CASK: variants seen among roughly 807,000 people sequenced by gnomAD.
The protein encoded by CASK is peripheral plasma membrane protein CASK.
CASK carries 4 observed loss-of-function variants against 82.9 expected under a neutral mutation model. The ratio of observed to expected loss-of-function variants is 0.05; its 90% CI spans 0.02 to 0.11. The LOEUF is 0.11. CASK is among the 10% of genes least tolerant of loss of function. CASK has a pLI of 1.00. For synonymous variants in CASK, 259 were observed against 253.5 expected (o/e 1.02, Z -0.20); for missense variants, 358 against 720.9 (o/e 0.50, Z 5.76).
intron 2 of CASK, among the ~76,000 whole-genome samples, chrX:41,794,394 G>C (rs1246498117): frequency 8.9e-6 from 1 of 112,055 alleles, no homozygotes; most frequent in Non-Finnish European, 1.9e-5. Flanking sequence ...TAACAAATTT[G>C]TATATGACAA....
chrX:41,691,723 C>T (rs2067564963), intron 5 of CASK, among the ~76,000 whole-genome samples: 1 of 107,577 alleles, frequency 9.3e-6, no homozygotes, highest in Non-Finnish European at 1.9e-5. Context: ...TGGATGTGGT[C>T]CCAGCTACTT....
chrX:41,818,301 C>T (rs1449950606), intron 2 of CASK, among the ~76,000 whole-genome samples: 3 of 110,168 alleles, frequency 2.7e-5, no homozygotes, highest in Non-Finnish European at 5.7e-5. Flanking sequence ...CACCTGATTT[C>T]AAGACGTATA....
Position 41,684,744 on chromosome X carries a change from C to T in CASK, c.430-13214G>A, listed in dbSNP as rs771957383. Among the ~76,000 whole-genome samples, 272 of 111,609 alleles carry T rather than the reference C, an allele frequency of 2.4e-3. 1 individual carries two copies. The highest frequency in any genetic ancestry group is 8.8e-3 in the African/African-American group (270 of 30,690). ...AACTCCTGGCCTCAAGTGATCCGCC[C>T]GCCTCATCCTCCCAAAGTGCTGGGA... On this transcript the variant is annotated intron_variant, in intron 5 of 26. Transcript: ENST00000378163.
intron 3 of CASK, among the ~76,000 whole-genome samples, chrX:41,754,755 ACT>A (rs1251678504): frequency 1.8e-5 from 2 of 111,669 alleles, no homozygotes; most frequent in Non-Finnish European, 3.8e-5. Context: ...GAAAAATAAA[ACT>A]CACCAAAATT....
intron 2 of CASK, among the ~76,000 whole-genome samples, chrX:41,787,882 G>A (rs1403507392): frequency 1.8e-5 from 2 of 110,953 alleles, no homozygotes; most frequent in Non-Finnish European, 3.8e-5. Flanking sequence ...GGGGCCAGGC[G>A]TGGTGGCTCG....
intron 5 of CASK, among the ~76,000 whole-genome samples, chrX:41,736,825 T>C (rs1299019369): frequency 8.9e-6 from 1 of 111,820 alleles, no homozygotes; most frequent in Admixed American, 9.5e-5. Context: ...AACTACCCCA[T>C]GATTCAAGAA....
At chrX:41,701,727 T>G (rs1431389252) in intron 5 of CASK, among the ~76,000 whole-genome samples, 2 of 112,060 alleles carry the variant, frequency 1.8e-5, no homozygotes, top group Non-Finnish European at 3.8e-5. Context: ...TGTTCGAAAC[T>G]TCTATTTTTC....
At chrX:41,613,084 G>A (rs1263258808) in intron 11 of CASK, among the ~76,000 whole-genome samples, 1 of 110,951 alleles carries the variant, frequency 9.0e-6, no homozygotes, top group African/African-American at 3.3e-5. Context: ...GCCCCTACTG[G>A]GAAGTGAGGA....
chrX:41,778,967 C>A (rs1365286065), intron 3 of CASK, among the ~76,000 whole-genome samples: 2 of 110,870 alleles, frequency 1.8e-5, no homozygotes, highest in Non-Finnish European at 3.8e-5. Flanking sequence ...CTTTTAAAAC[C>A]CTTCTTCTAT....
chrX:41,632,709 A>T (rs1212162486), intron 9 of CASK, among the ~76,000 whole-genome samples: 1 of 112,120 alleles, frequency 8.9e-6, no homozygotes, highest in African/African-American at 3.2e-5. Context: ...GTTCAGGAAC[A>T]CAAGTGACCA....
chrX:41,625,763 T>C (rs1253448680), intron 10 of CASK, among the ~76,000 whole-genome samples: 4 of 110,388 alleles, frequency 3.6e-5, no homozygotes, highest in Non-Finnish European at 7.6e-5. Flanking sequence ...TGGATACTTG[T>C]ATGCATGTGT....
At chrX:41,662,892 C>CA (rs1228037868) in intron 7 of CASK, among the ~76,000 whole-genome samples, 1 of 104,539 alleles carries the variant, frequency 9.6e-6, no homozygotes, top group East Asian at 3.0e-4. Flanking sequence ...GGCTGAAGTG[C>CA]AGTGGTGTGA....
intron 2 of CASK, among the ~76,000 whole-genome samples, chrX:41,835,295 C>T (rs2070909084): frequency 8.9e-6 from 1 of 111,868 alleles, no homozygotes; most frequent in African/African-American, 3.3e-5. Flanking sequence ...CTCAGGTGAT[C>T]CACTCACCTT....
intron 5 of CASK, among the ~76,000 whole-genome samples, chrX:41,687,919 T>C (rs1175561560): frequency 9.8e-6 from 1 of 101,752 alleles, no homozygotes; most frequent in Non-Finnish European, 2.0e-5. Flanking sequence ...GATTGTGCCA[T>C]TGTACAATCT....
intron 9 of CASK, among the ~76,000 whole-genome samples, chrX:41,635,460 TC>T (rs2066535084): frequency 8.9e-6 from 1 of 111,953 alleles, no homozygotes; most frequent in African/African-American, 3.2e-5. Context: ...TACTATCTAA[TC>T]AACCACTTAG....
rs895840897 is a variant in CASK at position 41,579,052 on chromosome X, G to A, written c.1315-524C>T. 6.3e-5 allele frequency among the ~76,000 whole-genome samples: 7 copies of A among 111,964 alleles called. No individual in the cohort carries two copies. In the South Asian group the frequency reaches 1.1e-3, roughly 17 times the overall value. ...ACAATTTCAAGTAATTTAGCTAAAA[G>A]AATCATCTATAAATAGAGTTGGCAA... On this transcript the variant is annotated intron_variant, in intron 14 of 26. Coordinates refer to ENST00000378163, the MANE Select transcript of CASK (RefSeq NM_001367721.1).
chrX:41,726,282 T>G (rs1485994258), intron 5 of CASK, among the ~76,000 whole-genome samples: 1 of 112,191 alleles, frequency 8.9e-6, no homozygotes, highest in African/African-American at 3.2e-5. Flanking sequence ...TGTGTAAACT[T>G]TTATTGAAGT....
intron 2 of CASK, among the ~76,000 whole-genome samples, chrX:41,842,537 C>A (rs1055491224): frequency 1.9e-5 from 2 of 107,668 alleles, no homozygotes; most frequent in African/African-American, 3.4e-5. Context: ...TGCACTCCAG[C>A]CTGGGTGACA....
At chrX:41,915,512 G>A (rs1027734300) in intron 1 of CASK, among the ~76,000 whole-genome samples, 2 of 112,543 alleles carry the variant, frequency 1.8e-5, no homozygotes, top group Non-Finnish European at 3.8e-5. Flanking sequence ...AGAGAATGGG[G>A]ATATGGATGG....
Sources: gnomAD v4.1 joint callset for allele counts (sites outside exome capture counted in the v4.1 genomes callset) on GRCh38, gnomAD v4.1.1 for gene constraint, MANE v1.5 for transcripts, NCBI Gene and HGNC (gene_info 2026-07-23, HGNC 2026-07-21) for gene names.